Variants in FAM13A observed in about 807,000 individuals in gnomAD.
FAM13A encodes family with sequence similarity 13 member A.
Under a neutral mutation model 129.6 loss-of-function variants are expected in FAM13A, and 76 were observed. The observed-to-expected ratio is 0.59, with a 90% CI of 0.49 to 0.71. The LOEUF (loss-of-function observed/expected upper bound fraction) is 0.71. Ranked by LOEUF, FAM13A falls within the 30% of genes least tolerant of loss-of-function variation. The pLI is 0.00. For missense variants in FAM13A, 1,108 were observed against 1,249.3 expected (o/e 0.89, Z 1.70); for synonymous variants, 443 against 449.9 (o/e 0.98, Z 0.20).
chr4:88,909,564 G>A (rs751732751), intron 5 of FAM13A, among the ~76,000 whole-genome samples: 3 of 151,808 alleles, frequency 2.0e-5, no homozygotes, highest in Admixed American at 6.6e-5. Flanking sequence ...TTGGCTCACT[G>A]CAACCTCCGC....
chr4:88,828,519 T>C (rs1156970283), intron 7 of FAM13A, among the ~76,000 whole-genome samples: 1 of 152,184 alleles, frequency 6.6e-6, no homozygotes, highest in Non-Finnish European at 1.5e-5. Context: ...TACAGTTTTA[T>C]TATTATTTGA....
chr4:88,756,214 T>C (rs927249067), intron 14 of FAM13A, among the ~76,000 whole-genome samples: 1 of 152,216 alleles, frequency 6.6e-6, no homozygotes, highest in African/African-American at 2.4e-5. Flanking sequence ...GCTATGTATA[T>C]TTAAAAAGGA....
intron 3 of FAM13A, among the ~76,000 whole-genome samples, chr4:89,002,174 G>A (rs1192817627): frequency 1.1e-5 from 1 of 89,544 alleles, no homozygotes; most frequent in Non-Finnish European, 2.1e-5. Context: ...AGCACCCAAC[G>A]GCAAAAAAAA....
intron 6 of FAM13A, among the ~76,000 whole-genome samples, chr4:88,852,014 G>C (rs1241977383): frequency 6.6e-6 from 1 of 152,104 alleles, no homozygotes; most frequent in East Asian, 1.9e-4. Flanking sequence ...GCTTTTTCTT[G>C]TCTCTAGGAT....
chr4:89,008,104 C>T (rs184417131), intron 3 of FAM13A, among the ~76,000 whole-genome samples: 8 of 152,054 alleles, frequency 5.3e-5, no homozygotes, highest in East Asian at 3.9e-4. Flanking sequence ...TAATTTATAC[C>T]CCAGAGACTA....
Position 88,851,185 on chromosome 4 carries a change from T to TA in FAM13A, c.844-3dup. ...TCCCTCACTCCTGGATTTTGGGATCTAGAAGAAAAAAAAAAGAGGGGTGGG... is the reference window on the plus strand; with the variant it reads ...TCCCTCACTCCTGGATTTTGGGATCTAAGAAGAAAAAAAAAAGAGGGGTGGG... On this transcript the variant is annotated splice_region_variant and splice_polypyrimidine_tract_variant and intron_variant, in intron 6 of 23. Coordinates refer to ENST00000264344, the MANE Select transcript of FAM13A (RefSeq NM_014883.4). 1.3e-6 allele frequency: 2 copies of TA among 1,553,390 alleles called. No homozygotes were observed. Among genetic ancestry groups the TA allele is most frequent in the Admixed American group, 1.9e-5 (1 of 52,430 alleles).
chr4:88,821,429 G>A (rs1190074485), intron 7 of FAM13A, among the ~76,000 whole-genome samples: 2 of 152,096 alleles, frequency 1.3e-5, no homozygotes, highest in African/African-American at 4.8e-5. Context: ...CATTAATCAT[G>A]ACTAAAAATA....
chr4:88,972,924 A>G (rs1352494130), intron 4 of FAM13A, among the ~76,000 whole-genome samples: 1 of 152,136 alleles, frequency 6.6e-6, no homozygotes, highest in African/African-American at 2.4e-5. Flanking sequence ...ACTTTTGGGT[A>G]TAATTTTATA....
intron 7 of FAM13A, among the ~76,000 whole-genome samples, chr4:88,816,147 T>C (rs1432065205): frequency 2.0e-5 from 3 of 152,148 alleles, no homozygotes; most frequent in Admixed American, 6.5e-5. Context: ...TATTTCAATG[T>C]ACATATAAAA....
intron 11 of FAM13A, among the ~76,000 whole-genome samples, chr4:88,770,820 A>G (rs1560946738): frequency 6.6e-6 from 1 of 152,218 alleles, no homozygotes; most frequent in South Asian, 2.1e-4. Flanking sequence ...GCTGATCTCC[A>G]GTGTTAAAAC....
intron 19 of FAM13A, among the ~76,000 whole-genome samples, chr4:88,744,617 A>T (rs1415086906): frequency 1.3e-5 from 2 of 152,212 alleles, no homozygotes; most frequent in African/African-American, 4.8e-5. Context: ...GGTTTGGAAC[A>T]ATAGTTTAAC....
intron 1 of FAM13A, among the ~76,000 whole-genome samples, chr4:89,042,416 G>C (rs1379943863): frequency 6.6e-6 from 1 of 152,110 alleles, no homozygotes; most frequent in Non-Finnish European, 1.5e-5. Context: ...TTAAATCAAG[G>C]AAATCTGAAG....
chr4:88,744,624 T>G (rs1327557253), intron 19 of FAM13A, among the ~76,000 whole-genome samples: 1 of 152,216 alleles, frequency 6.6e-6, no homozygotes, highest in African/African-American at 2.4e-5. Context: ...AACAATAGTT[T>G]AACTCTAGAA....
At chr4:88,802,420 A>C (rs1387798554) in intron 8 of FAM13A, among the ~76,000 whole-genome samples, 1 of 151,480 alleles carries the variant, frequency 6.6e-6, no homozygotes, top group Non-Finnish European at 1.5e-5. Flanking sequence ...GTGGTGAGTT[A>C]AGTTGGAGAA....
intron 13 of FAM13A, among the ~76,000 whole-genome samples, chr4:88,764,779 T>C (rs931782640): frequency 3.9e-5 from 6 of 152,182 alleles, no homozygotes; most frequent in East Asian, 1.9e-4. Flanking sequence ...CCTGAAGAAA[T>C]TGTACTTTAA....
intron 6 of FAM13A, among the ~76,000 whole-genome samples, chr4:88,861,151 C>T (rs931485670): frequency 4.6e-5 from 7 of 151,898 alleles, no homozygotes; most frequent in African/African-American, 9.7e-5. Context: ...GAGTCTGAGG[C>T]GGGCAAATCA....
intron 6 of FAM13A, among the ~76,000 whole-genome samples, chr4:88,852,890 A>G (rs1737853921): frequency 6.6e-6 from 1 of 152,190 alleles, no homozygotes; most frequent in South Asian, 2.1e-4. Context: ...AAAACAATAT[A>G]TGAAGAAATA....
chr4:88,921,901 C>A (rs978280095), intron 5 of FAM13A, among the ~76,000 whole-genome samples: 31 of 151,996 alleles, frequency 2.0e-4, no homozygotes, highest in African/African-American at 6.8e-4. Flanking sequence ...GGTGGCAATC[C>A]TAGTCTCTGA....
chr4:88,830,127 G>T (rs923967689), intron 7 of FAM13A, among the ~76,000 whole-genome samples: 1 of 152,174 alleles, frequency 6.6e-6, no homozygotes, highest in Non-Finnish European at 1.5e-5. Context: ...CTGAGTGGCA[G>T]GAGACAGTTG....
Sources: gnomAD v4.1 joint callset for allele counts (sites outside exome capture counted in the v4.1 genomes callset) on GRCh38, gnomAD v4.1.1 for gene constraint, MANE v1.5 for transcripts, NCBI Gene and HGNC (gene_info 2026-07-23, HGNC 2026-07-21) for gene names.